AAK1: variants seen among roughly 807,000 people sequenced by gnomAD.
AAK1 encodes the protein AP2 associated kinase 1.
Under a neutral mutation model 116.0 loss-of-function variants are expected in AAK1, and 37 were observed. That is an observed-to-expected ratio of 0.32 (90% confidence interval 0.25 to 0.42). The LOEUF is 0.42. AAK1 is among the 10% of genes least tolerant of loss of function. The probability of loss-of-function intolerance (pLI) is 1.00; values close to 1 mark genes in which losing one functional copy is unlikely to be tolerated. For synonymous variants in AAK1, 458 were observed against 439.9 expected (o/e 1.04, Z -0.51); for missense variants, 919 against 1,170.6 (o/e 0.79, Z 3.14).
chr2:69,495,901 C>A, intron 17 of AAK1, 84 bp downstream of exon 17: 1 of 1,083,864 alleles, frequency 9.2e-7, no homozygotes, highest in Admixed American at 2.7e-5. Flanking sequence ...ATCCTTTTCA[C>A]GGGGTATTTA....
At chr2:69,516,198 G>A (rs1390690442) in intron 12 of AAK1, among the ~76,000 whole-genome samples, 2 of 151,790 alleles carry the variant, frequency 1.3e-5, no homozygotes, top group Non-Finnish European at 2.9e-5. Flanking sequence ...ACATTCTAAG[G>A]GTAAAATGGG....
At chr2:69,595,706 A>AT (rs142529219) in intron 2 of AAK1, among the ~76,000 whole-genome samples, 2,948 of 152,346 alleles carry the variant, frequency 0.019, 80 homozygotes, top group African/African-American at 0.065. Flanking sequence ...TATCCATAAG[A>AT]TCTAGATAAG....
intron 2 of AAK1, among the ~76,000 whole-genome samples, chr2:69,589,855 G>A (rs1672955419): frequency 6.6e-6 from 1 of 152,112 alleles, no homozygotes; most frequent in South Asian, 2.1e-4. Context: ...ACCTGGAGTA[G>A]AGTCAGGCAC....
intron 4 of AAK1, 89 bp from the exon 5 acceptor site, chr2:69,542,754 G>T: frequency 6.8e-7 from 1 of 1,469,604 alleles, no homozygotes; most frequent in Non-Finnish European, 9.3e-7. Context: ...CCAAAGAGAA[G>T]CAGTCTGGAC....
chr2:69,577,177 C>T (rs1379806299), intron 2 of AAK1, among the ~76,000 whole-genome samples: 1 of 152,212 alleles, frequency 6.6e-6, no homozygotes, highest in East Asian at 1.9e-4. Flanking sequence ...TGTCTTCTGC[C>T]CAAAATCTGG....
chr2:69,640,263 C>T (rs1675660421), intron 2 of AAK1, among the ~76,000 whole-genome samples: 1 of 152,162 alleles, frequency 6.6e-6, no homozygotes, highest in Non-Finnish European at 1.5e-5. Flanking sequence ...TTAAGCCCCA[C>T]ACCCACAGCC....
At chr2:69,527,395 C>A in intron 8 of AAK1, 76 bp from the exon 9 acceptor site, 2 of 963,756 alleles carry the variant, frequency 2.1e-6, no homozygotes, top group Non-Finnish European at 3.2e-6. Flanking sequence ...ATTCCTCTCT[C>A]TACTCCCAAT....
intron 11 of AAK1, chr2:69,520,292 T>TGGA (rs1316183845): frequency 6.5e-6 from 1 of 154,958 alleles, no homozygotes; most frequent in Non-Finnish European, 1.5e-5. Context: ...TTAGTGGTTT[T>TGGA]GGAGATCCAT....
intron 5 of AAK1, 45 bp from the exon 6 acceptor site, chr2:69,532,207 A>G (rs1274085364): frequency 6.2e-7 from 1 of 1,603,604 alleles, no homozygotes; most frequent in Admixed American, 1.7e-5. Flanking sequence ...ATCATTTAGT[A>G]ATGCACGTGA....
intron 2 of AAK1, among the ~76,000 whole-genome samples, chr2:69,587,475 A>ATTT (rs1398056257): frequency 3.5e-5 from 5 of 143,356 alleles, no homozygotes; most frequent in African/African-American, 1.1e-4. Context: ...ATATATATAT[A>ATTT]TATTTTTTTG....
chr2:69,495,537 T>C (rs1675704236), intron 17 of AAK1, among the ~76,000 whole-genome samples: 1 of 152,128 alleles, frequency 6.6e-6, no homozygotes, highest in African/African-American at 2.4e-5. Context: ...TTTTATATTA[T>C]AAAATAAAAA....
chr2:69,631,346 C>T (rs1274363252), intron 2 of AAK1, among the ~76,000 whole-genome samples: 1 of 152,184 alleles, frequency 6.6e-6, no homozygotes, highest in Non-Finnish European at 1.5e-5. Context: ...GGATTCAAGT[C>T]CTAGATGACA....
At chr2:69,564,364 C>T (rs968163456) in intron 2 of AAK1, among the ~76,000 whole-genome samples, 15 of 152,194 alleles carry the variant, frequency 9.9e-5, no homozygotes, top group African/African-American at 3.6e-4. Context: ...ACTGCTTCCT[C>T]CTCACCTTCA....
rs1371514482 is a variant in AAK1 at position 69,474,260 on chromosome 2, G to C, written c.*1609C>G. 3.0e-6 allele frequency: 3 copies of C among 985,686 alleles called. No homozygotes were observed. In the African/African-American group the frequency reaches 5.2e-5, roughly 17 times the overall value. 61.1% of individuals were successfully genotyped at this position (985,686 alleles called of 1,614,324 possible). A position where few individuals can be genotyped will look rare whatever the true frequency, so the allele number is the denominator to read the frequency against. On this transcript the variant is annotated 3_prime_UTR_variant, in exon 22 of 22. Transcript: ENST00000409085. The stretch of plus-strand genomic sequence containing the variant: ...GATAGCAAAACAAGCAAATGGACTT[G>C]GAATTTTATTTGTACAGATCTGATT...
At chr2:69,574,640 T>C (rs1254904912) in intron 2 of AAK1, among the ~76,000 whole-genome samples, 1 of 151,838 alleles carries the variant, frequency 6.6e-6, no homozygotes, top group African/African-American at 2.4e-5. Context: ...AGTTTGTTTA[T>C]ACGAAAGAAC....
At chr2:69,482,942 A>T (rs770070884) in intron 17 of AAK1, 130 bp from the exon 18 acceptor site, 2 of 620,910 alleles carry the variant, frequency 3.2e-6, no homozygotes, top group Non-Finnish European at 5.7e-6. Context: ...CATAAAAATG[A>T]ATGCTATTAA....
chr2:69,546,021 T>C (rs910175920), intron 3 of AAK1, among the ~76,000 whole-genome samples: 4 of 151,538 alleles, frequency 2.6e-5, no homozygotes, highest in East Asian at 1.9e-4. Context: ...GACAGGATGA[T>C]GATAATTGAC....
At chr2:69,583,617 T>G (rs747222236) in intron 2 of AAK1, among the ~76,000 whole-genome samples, 3 of 152,238 alleles carry the variant, frequency 2.0e-5, no homozygotes, top group Non-Finnish European at 4.4e-5. Flanking sequence ...CTCGGCTTCA[T>G]GGCTGAAAGT....
At chr2:69,519,968 C>T (rs1388920418) in intron 11 of AAK1, 1 of 213,058 alleles carries the variant, frequency 4.7e-6, no homozygotes, top group East Asian at 1.1e-4. Context: ...TCTGCTAGTC[C>T]AAGCTCTTCA....
Sources: gnomAD v4.1 joint callset for allele counts (sites outside exome capture counted in the v4.1 genomes callset) on GRCh38, gnomAD v4.1.1 for gene constraint, MANE v1.5 for transcripts, NCBI Gene and HGNC (gene_info 2026-07-23, HGNC 2026-07-21) for gene names.